KIF20B: variants seen among roughly 807,000 people sequenced by gnomAD.
KIF20B encodes the protein kinesin-like protein KIF20B.
KIF20B carries 188 observed loss-of-function variants against 232.5 expected under a neutral mutation model. That is an observed-to-expected ratio of 0.81 (90% CI 0.72 to 0.91). KIF20B has a LOEUF of 0.91. KIF20B is among the 40% of genes least tolerant of loss of function. The probability of loss-of-function intolerance (pLI) is 0.00; values close to 1 mark genes in which losing one functional copy is unlikely to be tolerated. For synonymous variants in KIF20B, 712 were observed against 683.0 expected (o/e 1.04, Z -0.66); for missense variants, 2,154 against 2,055.9 (o/e 1.05, Z -0.92).
chr10:89,741,811 A>G lies in KIF20B; in HGVS notation c.3916-1997A>G, dbSNP rs941178633. On this transcript the variant is annotated intron_variant, in intron 21 of 32. Transcript: ENST00000371728. ...GTGCCATCCTGTCCTGCCTGGAGTT[A>G]GAATTATCCCTTTGCCTAGCATATC... 2.0e-5 allele frequency among the ~76,000 whole-genome samples: 3 copies of G among 152,366 alleles called. No individual in the cohort carries two copies. In the South Asian group the frequency reaches 6.2e-4, roughly 32 times the overall value.
intron 29 of KIF20B, among the ~76,000 whole-genome samples, chr10:89,766,669 T>G (rs1842367344): frequency 6.6e-6 from 1 of 152,076 alleles, no homozygotes; most frequent in African/African-American, 2.4e-5. Context: ...TTCTTTTACT[T>G]CTTTGAAGAG....
chr10:89,757,217 T>A (rs1842148061), intron 26 of KIF20B, among the ~76,000 whole-genome samples: 1 of 151,710 alleles, frequency 6.6e-6, no homozygotes, highest in Non-Finnish European at 1.5e-5. Context: ...GTATTGTCAG[T>A]CAGTTTTTAA....
chr10:89,732,041 T>C (rs1843333003), intron 18 of KIF20B, among the ~76,000 whole-genome samples: 1 of 152,188 alleles, frequency 6.6e-6, no homozygotes, highest in Admixed American at 6.5e-5. Context: ...TCTATAGACT[T>C]GCGCTTAAAT....
rs746584018 is a variant in KIF20B, at chr10:89,705,281, G to A, written c.-1-13G>A. Reference sequence around the variant, plus strand: ...TATTAAGGTTGTTAAAGAAGTTGCTGTTATTCTTGCAGAATGGAATCTAAT... The same window carrying A: ...TATTAAGGTTGTTAAAGAAGTTGCTATTATTCTTGCAGAATGGAATCTAAT... On this transcript the variant is annotated splice_polypyrimidine_tract_variant and intron_variant, in intron 1 of 32. Transcript: ENST00000371728. 2.5e-6 allele frequency: 4 copies of A among 1,612,882 alleles called. No homozygotes were observed. The highest frequency in any genetic ancestry group is 1.3e-5 in the African/African-American group (1 of 74,992).
At chr10:89,757,038 GTGTATA>G (rs1212542891) in intron 26 of KIF20B, among the ~76,000 whole-genome samples, 36 of 79,090 alleles carry the variant, frequency 4.6e-4, no homozygotes, top group African/African-American at 1.3e-3. Context: ...GTGTGTGTGT[GTGTATA>G]TATATATATA....
Position 89,737,593 on chromosome 10 carries a change from G to A in KIF20B, c.2752G>A (p.Glu918Lys). 6.2e-7 allele frequency: 1 copy of A among 1,604,544 alleles called. No homozygotes were observed. The highest frequency in any genetic ancestry group is 8.5e-7 in the Non-Finnish European group (1 of 1,176,602). ...TAAACAGATTGTTCATTTTCAGCAG[G>A]AACTTTCTCTTTCTGAAAAAAAGAA... ...LNKQIVHFQQ[E>K]LSLSEKKNLT... The change falls in exon 20 of 33, where the codon GAA (glutamate) becomes AAA (lysine). Residue 918 changes from glutamate to lysine, a missense_variant. Transcript: ENST00000371728.
At chr10:89,749,190 T>C (rs1046743472) in intron 23 of KIF20B, among the ~76,000 whole-genome samples, 15 of 152,192 alleles carry the variant, frequency 9.9e-5, no homozygotes, top group African/African-American at 3.6e-4. Context: ...TTTAAAATTA[T>C]TTTTTCCTTT....
chr10:89,757,046 A>G (rs61870784), intron 26 of KIF20B, among the ~76,000 whole-genome samples: 32,279 of 111,874 alleles, frequency 0.29, 4,123 homozygotes, highest in African/African-American at 0.39. Flanking sequence ...GTGTGTATAT[A>G]TATATATATA....
At chr10:89,717,389 A>G in intron 9 of KIF20B, 35 bp from the exon 10 acceptor site, 1 of 1,336,122 alleles carries the variant, frequency 7.5e-7, no homozygotes, top group Non-Finnish European at 1.1e-6. Flanking sequence ...CAGAAATTAA[A>G]AATGATAAGA....
intron 1 of KIF20B, among the ~76,000 whole-genome samples, chr10:89,702,574 A>T (rs1014530806): frequency 3.9e-5 from 6 of 152,168 alleles, no homozygotes; most frequent in African/African-American, 1.4e-4. Flanking sequence ...TGTGTTGTAG[A>T]CCACATTCAG....
At chr10:89,704,279 A>C (rs1842676638) in intron 1 of KIF20B, among the ~76,000 whole-genome samples, 1 of 152,172 alleles carries the variant, frequency 6.6e-6, no homozygotes, top group Admixed American at 6.5e-5. Context: ...CTTGTCAAAA[A>C]ACAGCACAGA....
intron 16 of KIF20B, among the ~76,000 whole-genome samples, chr10:89,727,432 A>G (rs974099258): frequency 6.6e-6 from 1 of 152,144 alleles, no homozygotes; most frequent in East Asian, 1.9e-4. Context: ...TTTTATATAC[A>G]TAAATAGAAT....
intron 15 of KIF20B, 23 bp from the exon 16 acceptor site, chr10:89,726,270 C>T (rs1483271299): frequency 2.6e-6 from 4 of 1,536,662 alleles, no homozygotes; most frequent in Middle Eastern, 1.9e-4. Context: ...TAATATTAGG[C>T]ATGTGGTTTT....
At chr10:89,742,276 G>A (rs955256417) in intron 21 of KIF20B, among the ~76,000 whole-genome samples, 4 of 152,162 alleles carry the variant, frequency 2.6e-5, no homozygotes, top group African/African-American at 9.7e-5. Context: ...GATTGATGGT[G>A]TCTGGGTTCA....
chr10:89,762,895 T>A, intron 29 of KIF20B, 60 bp downstream of exon 29: 2 of 1,289,962 alleles, frequency 1.6e-6, no homozygotes, highest in Non-Finnish European at 2.2e-6. Flanking sequence ...GCTGTTATAG[T>A]ATAGAGTTAA....
chr10:89,739,967 TTGA>T (rs1487123466), intron 21 of KIF20B, among the ~76,000 whole-genome samples: 6 of 152,168 alleles, frequency 3.9e-5, no homozygotes, highest in Non-Finnish European at 5.9e-5. Context: ...TAGTCTCTTG[TTGA>T]TGACCATTTA....
In KIF20B at chr10:89,738,943, G is replaced by C. The variant is rs746996307; in HGVS notation, c.3777-15G>C. 6.2e-7 allele frequency: 1 copy of C among 1,606,868 alleles called. No homozygotes were observed. Among genetic ancestry groups the C allele is most frequent in the South Asian group, 1.1e-5 (1 of 89,748 alleles). ...AATGATGCATTACCATAGAAAAGTG[G>C]TTTATGTTTTTTAGATTGAAAGAGG... On this transcript the variant is annotated splice_polypyrimidine_tract_variant and intron_variant, in intron 20 of 32. Coordinates refer to ENST00000371728, the MANE Select transcript of KIF20B (RefSeq NM_001284259.2).
rs759285059 is a variant in KIF20B at position 89,711,008 on chromosome 10, T to C, written c.538T>C (p.Phe180Leu). Residue 180 changes from phenylalanine to leucine, a missense_variant, in exon 6 of 33, where the codon TTT becomes CTT. Coordinates refer to ENST00000371728, the MANE Select transcript of KIF20B (RefSeq NM_001284259.2). ...GILPRTLNVL[F>L]DSLQERLYTK... is the part of the protein sequence containing the mutation. Reference sequence around the variant, plus strand: ...TCTGCCTCGAACTTTGAATGTATTATTTGATAGTCTTCAAGAAAGACTGTA... The same window carrying C: ...TCTGCCTCGAACTTTGAATGTATTACTTGATAGTCTTCAAGAAAGACTGTA... The C allele has an allele frequency of 6.2e-7, 1 of 1,608,852 alleles. No individual in the cohort carries two copies. The highest frequency in any genetic ancestry group is 2.2e-5 in the East Asian group (1 of 44,628).
At chr10:89,730,332 G>A (rs971495355) in intron 18 of KIF20B, among the ~76,000 whole-genome samples, 3 of 152,022 alleles carry the variant, frequency 2.0e-5, no homozygotes, top group African/African-American at 4.8e-5. Flanking sequence ...AGTGTCCAAC[G>A]TGTGCCAGGT....
Sources: gnomAD v4.1 joint callset for allele counts (sites outside exome capture counted in the v4.1 genomes callset) on GRCh38, gnomAD v4.1.1 for gene constraint, MANE v1.5 for transcripts, NCBI Gene and HGNC (gene_info 2026-07-23, HGNC 2026-07-21) for gene names.